ZNF529: variants seen among roughly 807,000 people sequenced by gnomAD.
ZNF529 encodes the protein zinc finger protein 529.
Under a neutral mutation model 10.1 loss-of-function variants are expected in ZNF529, and 11 were observed. The ratio of observed to expected loss-of-function variants is 1.09; its 90% CI spans 0.69 to 1.81. ZNF529 has a LOEUF of 1.81. Among genes scored for constraint, ZNF529 ranks in the 40% most tolerant of loss-of-function variants. The probability of loss-of-function intolerance (pLI) is 0.00; values close to 1 mark genes in which losing one functional copy is unlikely to be tolerated. For missense variants in ZNF529, 624 were observed against 666.8 expected (o/e 0.94, Z 0.71); for synonymous variants, 204 against 215.7 (o/e 0.95, Z 0.47).
chr19:36,561,690 GGA>G (rs768533482), intron 2 of ZNF529, among the ~76,000 whole-genome samples: 2 of 152,204 alleles, frequency 1.3e-5, no homozygotes, highest in Non-Finnish European at 2.9e-5. Context: ...CATGGGCCTG[GGA>G]GAGAGCCAGT....
chr19:36,582,340 T>C (rs1219255873), intron 2 of ZNF529: 2 of 151,932 alleles, frequency 1.3e-5, no homozygotes, highest in South Asian at 2.1e-4. Context: ...TTTTTAAAAA[T>C]GAGGAAAGGC....
At chr19:36,595,840 C>T (rs1350656768) in intron 1 of ZNF529, among the ~76,000 whole-genome samples, 1 of 151,938 alleles carries the variant, frequency 6.6e-6, no homozygotes, top group Non-Finnish European at 1.5e-5. Flanking sequence ...CTACATTATA[C>T]ATATCTATAT....
At chr19:36,603,230 C>T (rs898725115) in intron 1 of ZNF529, among the ~76,000 whole-genome samples, 1 of 152,164 alleles carries the variant, frequency 6.6e-6, no homozygotes, top group African/African-American at 2.4e-5. Flanking sequence ...AACAAATCAC[C>T]GTGTGAAGGC....
At chr19:36,549,513 A>C (rs940122167) in intron 4 of ZNF529, among the ~76,000 whole-genome samples, 1 of 152,250 alleles carries the variant, frequency 6.6e-6, no homozygotes, top group Non-Finnish European at 1.5e-5. Context: ...CCAGTTACCA[A>C]TGCCTCCCAA....
chr19:36,603,080 C>T (rs2036955159), intron 1 of ZNF529, among the ~76,000 whole-genome samples: 1 of 152,242 alleles, frequency 6.6e-6, no homozygotes, highest in Non-Finnish European at 1.5e-5. Context: ...AATATTCTAA[C>T]TCCTAAGGTC....
intron 1 of ZNF529, among the ~76,000 whole-genome samples, chr19:36,594,884 CTTTTTTT>C (rs11408279): frequency 1.4e-5 from 2 of 145,112 alleles, no homozygotes; most frequent in Non-Finnish European, 3.0e-5. Flanking sequence ...TTTCTTTTTT[CTTTTTTT>C]TTTTTGAGAT....
intron 1 of ZNF529, among the ~76,000 whole-genome samples, chr19:36,592,247 T>A (rs2036736490): frequency 7.3e-6 from 1 of 137,274 alleles, no homozygotes; most frequent in Non-Finnish European, 1.5e-5. Context: ...ATCATGCCAC[T>A]GCACTGCAGC....
At chr19:36,584,023 A>G (rs561422771) in intron 2 of ZNF529, among the ~76,000 whole-genome samples, 7 of 152,268 alleles carry the variant, frequency 4.6e-5, no homozygotes, top group African/African-American at 1.7e-4. Flanking sequence ...AGGAATCAAA[A>G]TGAGTGTCAA....
Position 36,548,130 on chromosome 19 carries a change from T to C in ZNF529, c.428A>G (p.Lys143Arg), listed in dbSNP as rs1452482266. Residue 143 changes from lysine to arginine, a missense_variant, in exon 5 of 5, where the codon AAA (lysine) becomes AGA (arginine). Lys to Arg is a conservative substitution (Grantham distance 26). Transcript: ENST00000591340. ...GPEVGYFSQM[K>R]IISENVPSYK... ...ACTGGGCACATTTTCAGAGATGATT[T>C]TCATTTGACTGAAATATCCCACTTC... 1 of 1,613,784 alleles carries C rather than the reference T, an allele frequency of 6.2e-7. No homozygotes were observed. Among genetic ancestry groups the C allele is most frequent in the Non-Finnish European group, 8.5e-7 (1 of 1,179,860 alleles).
intron 4 of ZNF529, among the ~76,000 whole-genome samples, chr19:36,552,653 C>T (rs111341671): frequency 1.7e-4 from 26 of 152,282 alleles, no homozygotes; most frequent in African/African-American, 5.5e-4. Context: ...TCCCTTCCTC[C>T]AGTAAGGTGA....
At chr19:36,557,547 T>A (rs1387348222) in intron 2 of ZNF529, among the ~76,000 whole-genome samples, 1 of 152,244 alleles carries the variant, frequency 6.6e-6, no homozygotes, top group African/African-American at 2.4e-5. Context: ...AAGAACAGTA[T>A]GGGGGAAACC....
rs1364523634 is a variant in ZNF529 at position 36,543,636 on chromosome 19, T to C, written c.*3230A>G. On this transcript the variant is annotated 3_prime_UTR_variant, in exon 5 of 5. Transcript: ENST00000591340. ...ACTGTGAGGCTTAAATACAGATATTTATTTTCTCACTGTTCTAATTAAAAT... is the reference window on the plus strand; with the variant it reads ...ACTGTGAGGCTTAAATACAGATATTCATTTTCTCACTGTTCTAATTAAAAT... 6.6e-6 allele frequency: 1 copy of C among 152,154 alleles called. No homozygotes were observed. The highest frequency in any genetic ancestry group is 1.5e-5 in the Non-Finnish European group (1 of 68,036). 9.4% of individuals were successfully genotyped at this position (152,154 alleles called of 1,614,324 possible).
chr19:36,554,574 T>C, intron 4 of ZNF529, 96 bp downstream of exon 4: 1 of 1,119,942 alleles, frequency 8.9e-7, no homozygotes, highest in South Asian at 2.6e-5. Flanking sequence ...TGAGACTCCA[T>C]CTCATAAACA....
intron 2 of ZNF529, among the ~76,000 whole-genome samples, chr19:36,560,584 CATTTT>C (rs775514124): frequency 1.5e-4 from 23 of 151,924 alleles, no homozygotes; most frequent in Admixed American, 5.2e-4. Flanking sequence ...CCTTTCTTCT[CATTTT>C]TTTTTAAAAA....
rs1568571503 is a variant in ZNF529 at position 36,547,619 on chromosome 19, C to T, written c.939G>A (p.Met313Ile). 1 of 1,613,688 alleles carries T rather than the reference C, an allele frequency of 6.2e-7. No homozygotes were observed. The highest frequency in any genetic ancestry group is 8.5e-7 in the Non-Finnish European group (1 of 1,179,724). ...IHTDEKTYKCMECGKDFRFHS... is the reference protein window; with the variant it reads ...IHTDEKTYKCIECGKDFRFHS... ...GAAATCTGAAGTCCTTGCCACATTC[C>T]ATACATTTGTAAGTTTTCTCATCAG... The change falls in exon 5 of 5, where the codon ATG (methionine) becomes ATA (isoleucine). Residue 313 changes from methionine to isoleucine, a missense_variant. By Grantham distance (10) the Met-to-Ile change is conservative. Transcript: ENST00000591340.
intron 1 of ZNF529, chr19:36,594,546 A>G (rs1339881642): frequency 6.6e-6 from 1 of 152,438 alleles, no homozygotes; most frequent in Non-Finnish European, 1.5e-5. Flanking sequence ...GCTCCAGCCA[A>G]CAGCCAACAT....
intron 2 of ZNF529, among the ~76,000 whole-genome samples, chr19:36,569,496 G>A (rs1399454807): frequency 1.3e-5 from 2 of 152,158 alleles, no homozygotes; most frequent in African/African-American, 2.4e-5. Context: ...TGGGTGTGGT[G>A]GCTCATGCCT....
At chr19:36,605,023 AGGCCTGG>A (rs956884356) in intron 1 of ZNF529, 5 of 152,184 alleles carry the variant, frequency 3.3e-5, no homozygotes, top group African/African-American at 1.2e-4. Flanking sequence ...ACTTGCACAC[AGGCCTGG>A]GGCTTCTGCC....
At chr19:36,572,421 ATGACATCC>A (rs879815278) in intron 1 of ZNF529, 29 bp from the exon 2 acceptor site, 25 of 1,516,414 alleles carry the variant, frequency 1.6e-5, no homozygotes, top group Non-Finnish European at 2.2e-5. Flanking sequence ...GAAAGGACTC[ATGACATCC>A]TGGACTGGTT....
Sources: allele counts gnomAD v4.1 joint callset (sites outside exome capture counted in the v4.1 genomes callset), GRCh38; gene constraint gnomAD v4.1.1; transcripts MANE v1.5; gene names NCBI Gene and HGNC (gene_info 2026-07-23, HGNC 2026-07-21).